The following DCDC1 variants were observed in gnomAD, a reference collection of about 807,000 sequenced individuals.
DCDC1 encodes the protein doublecortin domain-containing protein 1.
DCDC1 carries 200 observed loss-of-function variants against 178.3 expected under a neutral mutation model. The observed-to-expected ratio is 1.12, with a 90% CI of 1.00 to 1.26. The LOEUF is 1.26. Among genes scored for constraint, DCDC1 ranks in the 50% most tolerant of loss-of-function variants. The probability of loss-of-function intolerance (pLI) is 0.00; values close to 1 mark genes in which losing one functional copy is unlikely to be tolerated. For missense variants in DCDC1, 1,983 were observed against 1,749.2 expected, an observed-to-expected ratio of 1.13 and a Z score of -2.38; for synonymous variants, 690 against 604.8, an observed-to-expected ratio of 1.14 and a Z score of -2.07.
intron 22 of DCDC1, among the ~76,000 whole-genome samples, chr11:30,931,215 G>A (rs756233688): frequency 2.6e-5 from 4 of 151,924 alleles, no homozygotes; most frequent in Non-Finnish European, 5.9e-5. Flanking sequence ...AGAAAATATT[G>A]GCTATTGGGA....
chr11:30,940,840 C>CATT (rs1458798969), intron 21 of DCDC1, among the ~76,000 whole-genome samples: 1 of 152,044 alleles, frequency 6.6e-6, no homozygotes, highest in Non-Finnish European at 1.5e-5. Context: ...ATGCTTATCT[C>CATT]ATTAATTTTT....
intron 9 of DCDC1, among the ~76,000 whole-genome samples, chr11:31,239,491 C>T (rs1218752205): frequency 3.3e-5 from 5 of 151,878 alleles, no homozygotes; most frequent in African/African-American, 1.2e-4. Context: ...AAATAGAGCA[C>T]ATCTAAAGCA....
chr11:31,124,238 G>A (rs1961256320), intron 11 of DCDC1, among the ~76,000 whole-genome samples: 1 of 151,968 alleles, frequency 6.6e-6, no homozygotes. Context: ...AAGGGATGTT[G>A]AATTTTATCG....
At chr11:31,043,984 T>C (rs76890385) in intron 20 of DCDC1, among the ~76,000 whole-genome samples, 9 of 152,136 alleles carry the variant, frequency 5.9e-5, no homozygotes, top group African/African-American at 1.9e-4. Flanking sequence ...ATTTTACAAA[T>C]CGCCCTCAAA....
intron 18 of DCDC1, among the ~76,000 whole-genome samples, chr11:31,076,605 A>G (rs67796742): frequency 0.15 from 22,987 of 152,128 alleles, 2,241 homozygotes; most frequent in Non-Finnish European, 0.22. Context: ...TGGCTTCCCA[A>G]AGTGCTAGAA....
intron 20 of DCDC1, among the ~76,000 whole-genome samples, chr11:31,025,424 C>A (rs887508078): frequency 1.9e-4 from 29 of 151,776 alleles, no homozygotes; most frequent in Admixed American, 5.3e-4. Flanking sequence ...TTAAAACATC[C>A]ATTACTATTA....
chr11:31,207,133 C>T lies in DCDC1; in HGVS notation c.1221+34317G>A, dbSNP rs569639609. Among the ~76,000 whole-genome samples, 13 of 152,168 alleles carry T rather than the reference C, an allele frequency of 8.5e-5. No individual in the cohort carries two copies. The East Asian group carries it at 2.5e-3, about 29-fold the overall frequency. ...CTTAACCCTTATGTACCTATTTCCTCATTTGCACAATGAGATAATAATAGA... is the reference window on the plus strand; with the variant it reads ...CTTAACCCTTATGTACCTATTTCCTTATTTGCACAATGAGATAATAATAGA... On this transcript the variant is annotated intron_variant, in intron 9 of 38. Transcript: ENST00000684477.
intron 16 of DCDC1, 101 bp downstream of exon 16, chr11:31,093,949 C>T (rs1404719676): frequency 2.9e-6 from 2 of 680,640 alleles, no homozygotes; most frequent in Middle Eastern, 3.2e-4. Context: ...ATCACGCTTT[C>T]ACTTGTATGC....
chr11:31,071,000 T>C (rs976192259), intron 18 of DCDC1, among the ~76,000 whole-genome samples: 1 of 152,202 alleles, frequency 6.6e-6, no homozygotes, highest in Non-Finnish European at 1.5e-5. Flanking sequence ...TTATTATACA[T>C]GCTTTTTATA....
At chr11:31,283,325 A>ATCTT (rs1157237434) in intron 7 of DCDC1, among the ~76,000 whole-genome samples, 1 of 149,358 alleles carries the variant, frequency 6.7e-6, no homozygotes, top group Non-Finnish European at 1.5e-5. Flanking sequence ...AAGTTCACGG[A>ATCTT]TCTTTTCTTC....
chr11:31,357,328 G>C (rs1014064826), intron 1 of DCDC1, among the ~76,000 whole-genome samples: 37 of 148,208 alleles, frequency 2.5e-4, no homozygotes, highest in African/African-American at 8.5e-4. Flanking sequence ...CAGAACCAAA[G>C]ACAAAAACCA....
chr11:30,926,684 T>C (rs1375924347), intron 22 of DCDC1, among the ~76,000 whole-genome samples: 1 of 152,230 alleles, frequency 6.6e-6, no homozygotes, highest in African/African-American at 2.4e-5. Flanking sequence ...TAAAGTTGAC[T>C]TTATGCTCAT....
chr11:31,293,575 A>G (rs921201474), intron 6 of DCDC1, among the ~76,000 whole-genome samples: 2 of 152,100 alleles, frequency 1.3e-5, no homozygotes, highest in African/African-American at 2.4e-5. Flanking sequence ...CACTCACCCA[A>G]CTGTAGTCCC....
At chr11:31,115,080 A>G (rs1959675294) in intron 11 of DCDC1, among the ~76,000 whole-genome samples, 1 of 152,150 alleles carries the variant, frequency 6.6e-6, no homozygotes, top group African/African-American at 2.4e-5. Context: ...CTGTTCACAG[A>G]GAGTATTTGT....
intron 15 of DCDC1, among the ~76,000 whole-genome samples, chr11:31,095,471 T>A (rs891947354): frequency 9.9e-5 from 15 of 152,210 alleles, no homozygotes; most frequent in African/African-American, 3.6e-4. Context: ...TTTTTAATAA[T>A]CAAACATATC....
intron 6 of DCDC1, among the ~76,000 whole-genome samples, chr11:31,299,003 T>C (rs1463594897): frequency 6.6e-6 from 1 of 152,206 alleles, no homozygotes; most frequent in East Asian, 1.9e-4. Flanking sequence ...GAATGCAAGA[T>C]GAGTTTATAA....
In DCDC1 at chr11:31,305,725, A is replaced by C. The variant is rs773992325; in HGVS notation, c.644T>G (p.Val215Gly). The C allele has an allele frequency of 1.9e-6, 3 of 1,613,630 alleles. No individual in the cohort carries two copies. Among genetic ancestry groups the C allele is most frequent in the South Asian group, 2.2e-5 (2 of 91,044 alleles). Residue 215 changes from valine (V) to glycine (G), a missense_variant, in exon 6 of 39, where the codon GTG becomes GGG. Transcript: ENST00000684477. ...KLNLNMAARR[V>G]FLADGKEALE... ...GGCTTCCTTGCCGTCTGCCAAGAAC[A>C]CTCGTCTTGCGGCCATGTTCAGATT...
intron 3 of DCDC1, 50 bp downstream of exon 3, chr11:31,328,067 C>T (rs757065889): frequency 5.7e-5 from 87 of 1,523,840 alleles, no homozygotes; most frequent in Non-Finnish European, 7.4e-5. Flanking sequence ...TCTATAAACA[C>T]TTTTATCCCC....
chr11:30,893,532 A>C (rs1943962243), intron 35 of DCDC1, among the ~76,000 whole-genome samples: 1 of 152,196 alleles, frequency 6.6e-6, no homozygotes, highest in East Asian at 1.9e-4. Flanking sequence ...AATGCTTTGC[A>C]TTCATTCCCT....
Sources: allele counts gnomAD v4.1 joint callset (sites outside exome capture counted in the v4.1 genomes callset), GRCh38; gene constraint gnomAD v4.1.1; transcripts MANE v1.5; gene names NCBI Gene and HGNC (gene_info 2026-07-23, HGNC 2026-07-21).